The following REXO1 variants were observed in gnomAD, a reference collection of about 807,000 sequenced individuals.
REXO1 encodes RNA exonuclease 1 homolog, also known as REX1, RNA exonuclease 1 homolog.
A neutral mutation model predicts 102.6 loss-of-function variants in REXO1; 42 were observed. The observed-to-expected ratio is 0.41, with a 90% CI of 0.32 to 0.53. The LOEUF is 0.53. Among genes scored for constraint, REXO1 ranks in the 20% least tolerant of loss-of-function variants. The probability of loss-of-function intolerance (pLI) is 0.27; values close to 1 mark genes in which losing one functional copy is unlikely to be tolerated. For synonymous variants in REXO1, 908 were observed against 779.1 expected (o/e 1.17, Z -2.76); for missense variants, 1,819 against 1,732.5 (o/e 1.05, Z -0.89).
In REXO1 at chr19:1,827,062, G is replaced by T. The variant is rs1456341053; in HGVS notation, c.1727C>A (p.Pro576His). ...PPKRLKASPP[P>H]SPAPSSSSSS... ...GGAGGAGGAGGATGGGGCGGGGGAG[G>T]GGGGCGGGGAGGCCTTGAGCCGCTT... Residue 576 changes from proline (P) to histidine (H), a missense_variant, in exon 2 of 16, where the codon CCC becomes CAC. Physicochemically the swap from Pro to His is moderately conservative, Grantham distance 77. Coordinates refer to ENST00000170168, the MANE Select transcript of REXO1 (RefSeq NM_020695.4). 9.6e-6 allele frequency: 9 copies of T among 937,008 alleles called. No homozygotes were observed. The Admixed American group carries it at 1.4e-4, about 15-fold the overall frequency. 58.0% of individuals were successfully genotyped at this position (937,008 alleles called of 1,614,324 possible). A position where few individuals can be genotyped will look rare whatever the true frequency, so the allele number is the denominator to read the frequency against.
chr19:1,835,331 TCAG>T (rs2070009649), intron 1 of REXO1, among the ~76,000 whole-genome samples: 2 of 151,672 alleles, frequency 1.3e-5, no homozygotes, highest in Non-Finnish European at 2.9e-5. Context: ...ATCACCGAGG[TCAG>T]GAGTTCGAAA....
At chr19:1,841,046 G>A (rs1278752856) in intron 1 of REXO1, among the ~76,000 whole-genome samples, 19 of 152,308 alleles carry the variant, frequency 1.2e-4, no homozygotes, top group Middle Eastern at 3.4e-3. Flanking sequence ...AAAACCTCTC[G>A]GAGCCTAAGG....
rs1287607927 is a variant in REXO1 at position 1,827,149 on chromosome 19, C to G, written c.1640G>C (p.Ser547Thr). The G allele has an allele frequency of 6.5e-7, 1 of 1,542,124 alleles. No individual in the cohort carries two copies. The highest frequency in any genetic ancestry group is 2.4e-5 in the East Asian group (1 of 40,894). ...GTCTGAGTCGGAGTCTGAGTCCGAGCTGAGGCTGGGGAGGGCAGAGGGCCA... is the reference window on the plus strand; with the variant it reads ...GTCTGAGTCGGAGTCTGAGTCCGAGGTGAGGCTGGGGAGGGCAGAGGGCCA... The part of the protein sequence containing the change: ...SVWPSALPSL[S>T]SDSDSDSDSS... Residue 547 changes from serine to threonine, a missense_variant, in exon 2 of 16, where the codon AGC (serine) becomes ACC (threonine). By Grantham distance (58) the Ser-to-Thr change is moderately conservative. Coordinates refer to ENST00000170168, the MANE Select transcript of REXO1 (RefSeq NM_020695.4).
rs565154878 is a variant in REXO1 at position 1,826,757 on chromosome 19, G to A, written c.1911+121C>T. The A allele has an allele frequency of 1.8e-4, 258 of 1,465,694 alleles. 1 individual carries two copies. In the South Asian group the frequency reaches 2.7e-3, roughly 15 times the overall value. 90.8% of individuals were successfully genotyped at this position (1,465,694 alleles called of 1,614,324 possible). On this transcript the variant is annotated intron_variant, in intron 2 of 15. Transcript: ENST00000170168. This position sits in a 1 kb window ranked among gnomAD's most constrained non-coding sequence, Gnocchi z 4.3. Reference sequence around the variant, plus strand: ...TTCAACGGGCTCAGGGACCAGCACTGAGGAGCTGCCTCCACCCCGTGCCTC... The same window carrying A: ...TTCAACGGGCTCAGGGACCAGCACTAAGGAGCTGCCTCCACCCCGTGCCTC...
Position 1,820,351 on chromosome 19 carries a change from G to C in REXO1, c.2439C>G (p.Val813=). 1 of 1,613,890 alleles carries C rather than the reference G, an allele frequency of 6.2e-7. No individual in the cohort carries two copies. Among genetic ancestry groups the C allele is most frequent in the Non-Finnish European group, 8.5e-7 (1 of 1,179,984 alleles). Residue 813 remains valine, a synonymous_variant, in exon 6 of 16, where the codon GTC becomes GTG. Coordinates refer to ENST00000170168, the MANE Select transcript of REXO1 (RefSeq NM_020695.4). Reference sequence around the variant, plus strand: ...GATAGCGCTGGCGGATGACGGTGGGGACTTTGCCCCCAAACTCTTTGGGGA... The same window carrying C: ...GATAGCGCTGGCGGATGACGGTGGGCACTTTGCCCCCAAACTCTTTGGGGA... The part of the protein sequence containing the change: ...PIIPKEFGGK[V]PTVIRQRYLN...
rs776406703 is a variant in REXO1, at chr19:1,823,613, T to C, written c.2189A>G (p.Lys730Arg). ...GTTGGGGATGTGGGCGATCCTCCTC[T>C]TCTCGCCAGGGGCGGAAATGTGGAC... ...PSVHISAPGEKRRIAHIPNPR... is the reference protein window; with the variant it reads ...PSVHISAPGERRRIAHIPNPR... The change falls in exon 4 of 16, where the codon AAG becomes AGG. Residue 730 changes from lysine (K) to arginine (R), a missense_variant. Coordinates refer to ENST00000170168, the MANE Select transcript of REXO1 (RefSeq NM_020695.4). The C allele has an allele frequency of 1.5e-6, 2 of 1,322,764 alleles. No homozygotes were observed. Among genetic ancestry groups the C allele is most frequent in the Admixed American group, 3.4e-5 (1 of 29,462 alleles). The allele number at this position is 1,322,764 out of a possible 1,614,324, so 81.9% of individuals were successfully genotyped here.
chr19:1,820,168 G>A lies in REXO1; in HGVS notation c.2526+96C>T, dbSNP rs756877239. 18 of 1,560,496 alleles carry A rather than the reference G, an allele frequency of 1.2e-5. No individual in the cohort carries two copies. In the East Asian group the frequency reaches 1.6e-4, roughly 14 times the overall value. The stretch of plus-strand genomic sequence containing the variant: ...TTGCATCTCTCCCAGGCAGCTCCGG[G>A]TCACAGCTGCGGCTGAGAGGCCGGG... On this transcript the variant is annotated intron_variant, in intron 6 of 15. Transcript: ENST00000170168.
At chr19:1,817,525 A>T in intron 11 of REXO1, 182 bp downstream of exon 11, 3 of 1,466,196 alleles carry the variant, frequency 2.0e-6, no homozygotes, top group Non-Finnish European at 2.7e-6. Flanking sequence ...CAGGATGGGA[A>T]GTGGCCAGGG....
rs777195345 is a variant in REXO1 at position 1,828,380 on chromosome 19, T to G, written c.409A>C (p.Thr137Pro). 3 of 1,608,588 alleles carry G rather than the reference T, an allele frequency of 1.9e-6. No homozygotes were observed. Among genetic ancestry groups the G allele is most frequent in the South Asian group, 2.2e-5 (2 of 90,718 alleles). Residue 137 changes from threonine (T) to proline (P), a missense_variant, in exon 2 of 16, where the codon ACT (threonine) becomes CCT (proline). By Grantham distance (38) the Thr-to-Pro change is conservative. Coordinates refer to ENST00000170168, the MANE Select transcript of REXO1 (RefSeq NM_020695.4). ...AAGGCATCCTCGTCCGGGCCCACAG[T>G]GGGGCTGGCGTTGGGGCCGCGGGGC... is the stretch of plus-strand genomic sequence containing the variant. ...LAPRGPNASPTVGPDEDAFPL... is the reference protein window; with the variant it reads ...LAPRGPNASPPVGPDEDAFPL...
intron 10 of REXO1, among the ~76,000 whole-genome samples, chr19:1,818,134 T>A (rs1432004208): frequency 7.2e-5 from 11 of 152,164 alleles, no homozygotes; most frequent in East Asian, 3.9e-4. Flanking sequence ...GGGGATTGAA[T>A]AGAACCACCA....
At chr19:1,831,723 T>G (rs1365683124) in intron 1 of REXO1, among the ~76,000 whole-genome samples, 1 of 150,612 alleles carries the variant, frequency 6.6e-6, no homozygotes, top group Non-Finnish European at 1.5e-5. Flanking sequence ...CCCATGCCTG[T>G]AATCCCAGCT....
intron 1 of REXO1, among the ~76,000 whole-genome samples, chr19:1,835,400 T>G (rs2070011148): frequency 6.6e-6 from 1 of 151,726 alleles, no homozygotes; most frequent in African/African-American, 2.4e-5. Flanking sequence ...AAAAAAAAAT[T>G]AGCCAGGCCT....
In REXO1 at chr19:1,816,208, C is replaced by T. The variant is rs770164595; in HGVS notation, c.3577+17G>A. The T allele has an allele frequency of 6.3e-7, 1 of 1,574,946 alleles. No individual in the cohort carries two copies. Among genetic ancestry groups the T allele is most frequent in the African/African-American group, 1.3e-5 (1 of 74,350 alleles). On this transcript the variant is annotated intron_variant, in intron 15 of 15. Coordinates refer to ENST00000170168, the MANE Select transcript of REXO1 (RefSeq NM_020695.4). ...CCCCTGCGCAGGGACGGCCCCAGGGCAGGCACCGGCACTCACCATTGTCCT... is the reference window on the plus strand; with the variant it reads ...CCCCTGCGCAGGGACGGCCCCAGGGTAGGCACCGGCACTCACCATTGTCCT...
chr19:1,837,055 G>A (rs1338989238), intron 1 of REXO1, among the ~76,000 whole-genome samples: 1 of 152,232 alleles, frequency 6.6e-6, no homozygotes, highest in African/African-American at 2.4e-5. Context: ...TTTGAAGGTG[G>A]AGACAGAAGA....
intron 7 of REXO1, 40 bp from the exon 8 acceptor site, chr19:1,819,171 C>G (rs1329371784): frequency 6.8e-7 from 1 of 1,472,446 alleles, no homozygotes; most frequent in Admixed American, 2.0e-5. Flanking sequence ...TGTGAAGTAG[C>G]TGGCTCAGAC....
chr19:1,838,059 G>T (rs533309063), intron 1 of REXO1, among the ~76,000 whole-genome samples: 1 of 152,132 alleles, frequency 6.6e-6, no homozygotes, highest in Non-Finnish European at 1.5e-5. Context: ...TCTAATCCCC[G>T]CGCTCTGGGA....
At position 1,816,538 on chromosome 19, in the gene REXO1, C is replaced by T. The variant is rs1418399899; in HGVS notation, c.3349G>A (p.Asp1117Asn). 8 of 1,606,884 alleles carry T rather than the reference C, an allele frequency of 5.0e-6. No homozygotes were observed. Among genetic ancestry groups the T allele is most frequent in the Admixed American group, 1.7e-5 (1 of 59,520 alleles). The change falls in exon 14 of 16, where the codon GAC (aspartate) becomes AAC (asparagine). Residue 1117 changes from aspartate (D) to asparagine (N), a missense_variant. Asp to Asn is a conservative substitution (Grantham distance 23). Coordinates refer to ENST00000170168, the MANE Select transcript of REXO1 (RefSeq NM_020695.4). ...FSGVTEADLADTSVTLRDVQA... is the reference protein window; with the variant it reads ...FSGVTEADLANTSVTLRDVQA... ...ACGTCACGCAGCGTGACACTTGTGT[C>T]GGCAAGGTCAGCCTCCGTCACCCCC... is the stretch of plus-strand genomic sequence containing the variant.
At chr19:1,816,374 G>T in intron 14 of REXO1, 29 bp from the exon 15 acceptor site, 1 of 1,594,288 alleles carries the variant, frequency 6.3e-7, no homozygotes, top group Non-Finnish European at 8.5e-7. Flanking sequence ...ATCAGCGCAC[G>T]TGGGGCCTGC....
At chr19:1,829,668 C>T (rs966302256) in intron 1 of REXO1, among the ~76,000 whole-genome samples, 3 of 151,722 alleles carry the variant, frequency 2.0e-5, no homozygotes, top group Admixed American at 2.0e-4. Context: ...ATTAGCCGGG[C>T]GTGGTGGCGC....
Sources: gnomAD v4.1 joint callset for allele counts (sites outside exome capture counted in the v4.1 genomes callset) on GRCh38, gnomAD v4.1.1 for gene constraint, Gnocchi (gnomAD v3.1) non-coding constraint, MANE v1.5 for transcripts, NCBI Gene and HGNC (gene_info 2026-07-23, HGNC 2026-07-21) for gene names.